The following SC5D variants were observed in gnomAD, a reference collection of about 807,000 sequenced individuals.
SC5D encodes lathosterol oxidase.
In SC5D, 21 loss-of-function variants were observed where a neutral mutation model predicts 23.9. The observed-to-expected ratio is 0.88, with a 90% confidence interval of 0.62 to 1.26. SC5D has a LOEUF of 1.26. Among genes scored for constraint, SC5D ranks in the 50% most tolerant of loss-of-function variants. The pLI, the probability that SC5D is intolerant of heterozygous loss-of-function variation, is 0.00. For missense variants in SC5D, 309 were observed against 364.8 expected (o/e 0.85, Z 1.25); for synonymous variants, 113 against 125.9 (o/e 0.90, Z 0.68).
chr11:121,296,783 T>A (rs961905632), intron 1 of SC5D, among the ~76,000 whole-genome samples: 2 of 152,212 alleles, frequency 1.3e-5, no homozygotes, highest in African/African-American at 4.8e-5. Context: ...TATGTTAATA[T>A]CTGGCATTTG....
In SC5D at chr11:121,307,974, G is replaced by C; in HGVS notation, c.*462G>C. ...TTTCAGGAATGGTTAATTCTTCAAC[G>C]TTGGTATGATAATGATAACTTGTTT... is the stretch of plus-strand genomic sequence containing the variant. On this transcript the variant is annotated 3_prime_UTR_variant, in exon 5 of 5. Transcript: ENST00000264027. The C allele has an allele frequency of 6.3e-6, 1 of 157,536 alleles. No individual in the cohort carries two copies. 9.8% of individuals were successfully genotyped at this position (157,536 alleles called of 1,614,324 possible). A position where few individuals can be genotyped will look rare whatever the true frequency, so the allele number is the denominator to read the frequency against.
At position 121,307,275 on chromosome 11, in the gene SC5D, A is replaced by G; in HGVS notation, c.663A>G (p.Pro221=). The part of the protein sequence containing the change: ...GDFRVPQILQ[P]FINGSAHHTD... ...TTCGTGTCCCCCAAATCTTACAGCC[A>G]TTTATTAATGGCTCAGCTCATCATA... Residue 221 remains proline, a synonymous_variant, in exon 5 of 5, where the codon CCA becomes CCG. Transcript: ENST00000264027. 1 of 1,614,156 alleles carries G rather than the reference A, an allele frequency of 6.2e-7. No homozygotes were observed. The highest frequency in any genetic ancestry group is 8.5e-7 in the Non-Finnish European group (1 of 1,180,004).
At chr11:121,298,310 T>G (rs1947903194) in intron 1 of SC5D, among the ~76,000 whole-genome samples, 1 of 152,162 alleles carries the variant, frequency 6.6e-6, no homozygotes, top group African/African-American at 2.4e-5. Flanking sequence ...AATCTTTTTC[T>G]CCAAGGAGTG....
rs1947986033 is a variant in SC5D, at chr11:121,308,595, C to T, written c.*1083C>T. 6.6e-6 allele frequency: 1 copy of T among 152,580 alleles called. No homozygotes were observed. The highest frequency in any genetic ancestry group is 1.5e-5 in the Non-Finnish European group (1 of 68,030). 9.5% of individuals were successfully genotyped at this position (152,580 alleles called of 1,614,324 possible). A position where few individuals can be genotyped will look rare whatever the true frequency, so the allele number is the denominator to read the frequency against. ...ATAGTTTGTAAAGGCATTCTATAAG[C>T]TATTTATGTAAAATCAATAAAAGTT... is the stretch of plus-strand genomic sequence containing the variant. On this transcript the variant is annotated 3_prime_UTR_variant, in exon 5 of 5. Transcript: ENST00000264027.
intron 2 of SC5D, 89 bp downstream of exon 2, chr11:121,303,674 A>T: frequency 9.2e-7 from 1 of 1,092,422 alleles, no homozygotes; most frequent in Non-Finnish European, 1.3e-6. Context: ...AGCTGATTAT[A>T]TGTAACCATT....
chr11:121,301,314 T>A, intron 1 of SC5D, among the ~76,000 whole-genome samples: 1 of 152,116 alleles, frequency 6.6e-6, no homozygotes, highest in South Asian at 2.1e-4. Flanking sequence ...TTTTTTTTTT[T>A]TTTTTTTAAA....
chr11:121,302,720 G>A (rs1947934151), intron 1 of SC5D, among the ~76,000 whole-genome samples: 1 of 152,048 alleles, frequency 6.6e-6, no homozygotes, highest in African/African-American at 2.4e-5. Context: ...TTTGGCCCGT[G>A]GGCTGCAATT....
chr11:121,300,983 CA>C, intron 1 of SC5D, among the ~76,000 whole-genome samples: 1 of 152,326 alleles, frequency 6.6e-6, no homozygotes, highest in East Asian at 1.9e-4. Flanking sequence ...ACAACAAAAG[CA>C]ACTTAAAGCC....
rs953519643 is a variant in SC5D at position 121,311,983 on chromosome 11, A to G, written c.*4471A>G. Among the ~76,000 whole-genome samples the G allele has an allele frequency of 3.9e-5, 6 of 152,236 alleles. No homozygotes were observed. The highest frequency in any genetic ancestry group is 1.2e-4 in the African/African-American group (5 of 41,460). On this transcript the variant is annotated 3_prime_UTR_variant, in exon 5 of 5. Transcript: ENST00000264027. Reference sequence around the variant, plus strand: ...GATAGAGGGTACACAGAAAAATCGTATAAGTAAAACTAACATCGTTAACAT... The same window carrying G: ...GATAGAGGGTACACAGAAAAATCGTGTAAGTAAAACTAACATCGTTAACAT...
At position 121,307,566 on chromosome 11, in the gene SC5D, T is replaced by C; in HGVS notation, c.*54T>C. ...ACAAAGAAGGAAATATCATCGTATT[T>C]CTTTTTTTTAATAAGGAAAAAATAA... On this transcript the variant is annotated 3_prime_UTR_variant, in exon 5 of 5. Coordinates refer to ENST00000264027, the MANE Select transcript of SC5D (RefSeq NM_006918.5). 1 of 1,256,808 alleles carries C rather than the reference T, an allele frequency of 8.0e-7. No homozygotes were observed. The highest frequency in any genetic ancestry group is 1.1e-6 in the Non-Finnish European group (1 of 903,992). 77.9% of individuals were successfully genotyped at this position (1,256,808 alleles called of 1,614,324 possible).
chr11:121,307,018 T>A, intron 4 of SC5D, 39 bp from the exon 5 acceptor site: 1 of 1,550,430 alleles, frequency 6.4e-7, no homozygotes, highest in Non-Finnish European at 8.9e-7. Context: ...TTGCACGGGG[T>A]AAAGTTTGCA....
intron 2 of SC5D, 143 bp downstream of exon 2, chr11:121,303,728 C>T: frequency 1.5e-6 from 1 of 646,224 alleles, no homozygotes; most frequent in Non-Finnish European, 2.7e-6. Flanking sequence ...TAGATATTTT[C>T]ATGAGGGTTA....
chr11:121,296,921 A>C (rs1387745552), intron 1 of SC5D, among the ~76,000 whole-genome samples: 2 of 152,222 alleles, frequency 1.3e-5, no homozygotes, highest in Non-Finnish European at 2.9e-5. Flanking sequence ...GATACTAAAA[A>C]CTCAGTGGGA....
Position 121,313,319 on chromosome 11 carries a change from C to T in SC5D, c.*5807C>T, listed in dbSNP as rs1257823310. On this transcript the variant is annotated 3_prime_UTR_variant, in exon 5 of 5. Transcript: ENST00000264027. ...TGAATAGTATTTCATTGTAATATAC[C>T]ACAGTTGGTTTATGTATTTGCTGAT... 6.6e-6 allele frequency among the ~76,000 whole-genome samples: 1 copy of T among 151,924 alleles called. No individual in the cohort carries two copies. The highest frequency in any genetic ancestry group is 1.5e-5 in the Non-Finnish European group (1 of 67,992).
intron 1 of SC5D, among the ~76,000 whole-genome samples, chr11:121,296,296 A>G (rs1947888907): frequency 6.6e-6 from 1 of 152,220 alleles, no homozygotes; most frequent in Non-Finnish European, 1.5e-5. Flanking sequence ...TCAGCAGGAC[A>G]GCAGATCCCT....
At chr11:121,301,321 T>TA (rs1308149364) in intron 1 of SC5D, among the ~76,000 whole-genome samples, 1 of 135,494 alleles carries the variant, frequency 7.4e-6, no homozygotes, top group East Asian at 2.0e-4. Flanking sequence ...TTTTTTTTTT[T>TA]AAAGAACCAA....
At chr11:121,298,935 C>T (rs1947908195) in intron 1 of SC5D, among the ~76,000 whole-genome samples, 1 of 152,040 alleles carries the variant, frequency 6.6e-6, no homozygotes, top group East Asian at 1.9e-4. Context: ...AGCTTCTGAG[C>T]CAGGAGAAGG....
Position 121,309,158 on chromosome 11 carries a change from G to GT in SC5D, c.*1649dup, listed in dbSNP as rs1002443863. Among the ~76,000 whole-genome samples, 1 of 152,218 alleles carries GT rather than the reference G, an allele frequency of 6.6e-6. No individual in the cohort carries two copies. Among genetic ancestry groups the GT allele is most frequent in the African/African-American group, 2.4e-5 (1 of 41,450 alleles). ...CTCTCATATGATGTCCCATGTGGAT[G>GT]TTTGTGGTCAGTGGACAGCTTTCCA... On this transcript the variant is annotated 3_prime_UTR_variant, in exon 5 of 5. Coordinates refer to ENST00000264027, the MANE Select transcript of SC5D (RefSeq NM_006918.5).
intron 3 of SC5D, chr11:121,305,446 T>C (rs2134269164): frequency 6.6e-6 from 1 of 152,032 alleles, no homozygotes; most frequent in South Asian, 2.1e-4. Flanking sequence ...AAGTTAGTTA[T>C]TGCCGGGCGC....
Sources: allele counts gnomAD v4.1 joint callset (sites outside exome capture counted in the v4.1 genomes callset), GRCh38; gene constraint gnomAD v4.1.1; transcripts MANE v1.5; gene names NCBI Gene and HGNC (gene_info 2026-07-23, HGNC 2026-07-21).